Variants in SLFN12L observed in about 807,000 individuals in gnomAD.
SLFN12L encodes schlafen family member 12-like.
In SLFN12L, 34 loss-of-function variants were observed where a neutral mutation model predicts 34.8. The ratio of observed to expected loss-of-function variants is 0.98; its 90% CI spans 0.74 to 1.30. The LOEUF (loss-of-function observed/expected upper bound fraction) is 1.30, where lower values mean the gene tolerates loss of function less well. Among genes scored for constraint, SLFN12L ranks in the 50% most tolerant of loss-of-function variants. The pLI is 0.00. For synonymous variants in SLFN12L, 259 were observed against 247.5 expected, an observed-to-expected ratio of 1.05 and a Z score of -0.44; for missense variants, 703 against 696.2, an observed-to-expected ratio of 1.01 and a Z score of -0.11.
intron 2 of SLFN12L, among the ~76,000 whole-genome samples, chr17:35,481,127 C>T (rs1319516508): frequency 6.6e-6 from 1 of 152,252 alleles, no homozygotes; most frequent in Admixed American, 6.5e-5. Flanking sequence ...TTCTAGAGGG[C>T]TGCCTGGCCT....
chr17:35,504,735 C>A (rs1915412256), intron 2 of SLFN12L, among the ~76,000 whole-genome samples: 1 of 152,220 alleles, frequency 6.6e-6, no homozygotes, highest in African/African-American at 2.4e-5. Context: ...ACACTAAGTT[C>A]ACTTCTTGTC....
rs566397389 is a variant in SLFN12L, at chr17:35,468,068, C to T, written c.*6855G>A. Among the ~76,000 whole-genome samples the T allele has an allele frequency of 2.2e-4, 34 of 152,120 alleles. No homozygotes were observed. The highest frequency in any genetic ancestry group is 3.8e-4 in the Non-Finnish European group (26 of 68,034). On this transcript the variant is annotated 3_prime_UTR_variant, in exon 5 of 5. Transcript: ENST00000628453. ...GCGACCACAGGCACACACTACCACG[C>T]CCAGCTAATTTTTTATGTTTTTTGT...
intron 2 of SLFN12L, chr17:35,487,683 T>C: frequency 1.3e-6 from 2 of 1,527,084 alleles, no homozygotes; most frequent in South Asian, 2.4e-5. Flanking sequence ...ATTTGTATTT[T>C]CTAAGGCGAA....
At chr17:35,520,745 C>CA (rs944409106) in intron 2 of SLFN12L, among the ~76,000 whole-genome samples, 73 of 140,890 alleles carry the variant, frequency 5.2e-4, no homozygotes, top group Non-Finnish European at 6.2e-4. Context: ...AACTCGGTCT[C>CA]AAAAAAAAAA....
At chr17:35,504,527 A>T (rs1240219461) in intron 2 of SLFN12L, among the ~76,000 whole-genome samples, 2 of 152,252 alleles carry the variant, frequency 1.3e-5, no homozygotes, top group Non-Finnish European at 2.9e-5. Flanking sequence ...ATGCTTGTGC[A>T]CATGGCAGTC....
chr17:35,469,327 A>AAT lies in SLFN12L; in HGVS notation c.*5594_*5595dup, dbSNP rs199713584. On this transcript the variant is annotated 3_prime_UTR_variant, in exon 5 of 5. Coordinates refer to ENST00000628453, the MANE Select transcript of SLFN12L (RefSeq NM_001363830.2). ...AAAATATATATATATTATATATATA[A>AAT]ATATATATATAATATATATATATAT... Among the ~76,000 whole-genome samples, 3 of 100,848 alleles carry AAT rather than the reference A, an allele frequency of 3.0e-5. No homozygotes were observed. The highest frequency in any genetic ancestry group is 9.9e-5 in the Admixed American group (1 of 10,068). The allele number at this position is 100,848 out of a possible 152,430, so 66.2% of individuals were successfully genotyped here.
chr17:35,498,147 C>CGGAGGCGGAAGCATCTCGATCCG lies in SLFN12L; in HGVS notation c.87-17975_87-17953dup, dbSNP rs1415224477. 3.5e-4 allele frequency: 213 copies of CGGAGGCGGAAGCATCTCGATCCG among 603,864 alleles called. 1 individual carries two copies. The highest frequency in any genetic ancestry group is 5.2e-4 in the Non-Finnish European group (174 of 335,418). The allele number at this position is 603,864 out of a possible 1,614,324, so 37.4% of individuals were successfully genotyped here. A position where few individuals can be genotyped will look rare whatever the true frequency, so the allele number is the denominator to read the frequency against. On this transcript the variant is annotated intron_variant, in intron 2 of 4. Transcript: ENST00000628453. Reference sequence around the variant, plus strand: ...AGAGCGAGACCTGCAGCAGAGACGACGGAGGCGGAAGCATCTCGATCCGGG... The same window carrying CGGAGGCGGAAGCATCTCGATCCG: ...AGAGCGAGACCTGCAGCAGAGACGACGGAGGCGGAAGCATCTCGATCCGGGAGGCGGAAGCATCTCGATCCGGG...
At chr17:35,521,206 T>C (rs1241508384) in intron 2 of SLFN12L, among the ~76,000 whole-genome samples, 1 of 152,036 alleles carries the variant, frequency 6.6e-6, no homozygotes, top group African/African-American at 2.4e-5. Flanking sequence ...TAAGGAGACA[T>C]AACTACTAAA....
intron 2 of SLFN12L, among the ~76,000 whole-genome samples, chr17:35,522,069 T>C (rs1338807336): frequency 1.3e-5 from 2 of 152,064 alleles, no homozygotes; most frequent in Non-Finnish European, 2.9e-5. Flanking sequence ...TGTATACATA[T>C]GTAACAAACC....
At chr17:35,518,344 G>C (rs1915897737) in intron 2 of SLFN12L, among the ~76,000 whole-genome samples, 1 of 152,144 alleles carries the variant, frequency 6.6e-6, no homozygotes, top group South Asian at 2.1e-4. Context: ...TTGAGGTCAG[G>C]AGTTTGAGAC....
At chr17:35,520,902 C>G (rs1915977672) in intron 2 of SLFN12L, among the ~76,000 whole-genome samples, 1 of 152,162 alleles carries the variant, frequency 6.6e-6, no homozygotes, top group South Asian at 2.1e-4. Flanking sequence ...CCATTCAGCA[C>G]AAATCCCTGT....
At chr17:35,528,491 A>G (rs2072359979) in intron 1 of SLFN12L, among the ~76,000 whole-genome samples, 1 of 152,216 alleles carries the variant, frequency 6.6e-6, no homozygotes, top group Non-Finnish European at 1.5e-5. Flanking sequence ...TGGTACCAAA[A>G]CAGACATATA....
intron 1 of SLFN12L, among the ~76,000 whole-genome samples, chr17:35,534,094 G>A (rs1033998247): frequency 6.7e-6 from 1 of 149,184 alleles, no homozygotes; most frequent in Admixed American, 6.7e-5. Context: ...TGGGCACGGT[G>A]TCTCATGCCT....
intron 2 of SLFN12L, among the ~76,000 whole-genome samples, chr17:35,501,936 G>A (rs1466241267): frequency 6.6e-6 from 1 of 151,624 alleles, no homozygotes; most frequent in Non-Finnish European, 1.5e-5. Flanking sequence ...GCAGAGGCAA[G>A]GAAAGACCAG....
chr17:35,522,753 G>A lies in SLFN12L; in HGVS notation c.-389C>T. On this transcript the variant is annotated 5_prime_UTR_variant, in exon 2 of 5. Transcript: ENST00000628453. ...GGGCAGTGCAAGTGCAGTAGTCCTG[G>A]CCCTGCCAGGGCTGTTCTATGCTAT... The A allele has an allele frequency of 2.5e-6, 4 of 1,610,574 alleles. No individual in the cohort carries two copies. The highest frequency in any genetic ancestry group is 3.4e-6 in the Non-Finnish European group (4 of 1,177,436).
At chr17:35,498,234 G>A (rs1156724171) in intron 2 of SLFN12L, 2 of 701,856 alleles carry the variant, frequency 2.8e-6, no homozygotes, top group Non-Finnish European at 2.6e-6. Flanking sequence ...AGTGCGTACC[G>A]AGGAGATCCA....
In SLFN12L at chr17:35,472,613, C is replaced by T. The variant is rs1487567185; in HGVS notation, c.*2310G>A. ...TTTGTTTAGGATTATCTTAGCTATA[C>T]AAGGTCTTCTTTGATTCCATATGAA... On this transcript the variant is annotated 3_prime_UTR_variant, in exon 5 of 5. Transcript: ENST00000628453. Among the ~76,000 whole-genome samples the T allele has an allele frequency of 2.0e-5, 3 of 152,118 alleles. No individual in the cohort carries two copies. Among genetic ancestry groups the T allele is most frequent in the Non-Finnish European group, 4.4e-5 (3 of 68,008 alleles).
intron 2 of SLFN12L, among the ~76,000 whole-genome samples, chr17:35,485,339 T>C (rs1041269098): frequency 2.6e-5 from 4 of 152,230 alleles, no homozygotes; most frequent in Non-Finnish European, 5.9e-5. Context: ...GAGAAGTTTC[T>C]GTTCATGCCC....
Position 35,469,104 on chromosome 17 carries a change from G to A in SLFN12L, c.*5819C>T, listed in dbSNP as rs1049295904. Among the ~76,000 whole-genome samples the A allele has an allele frequency of 6.6e-6, 1 of 151,130 alleles. No individual in the cohort carries two copies. Among genetic ancestry groups the A allele is most frequent in the Non-Finnish European group, 1.5e-5 (1 of 67,846 alleles). ...TCAATCCCTCAACCCACTGGGAAGA[G>A]GACCACTAACTCCCCAGTGCCTACC... On this transcript the variant is annotated 3_prime_UTR_variant, in exon 5 of 5. Coordinates refer to ENST00000628453, the MANE Select transcript of SLFN12L (RefSeq NM_001363830.2).
Sources: gnomAD v4.1 joint callset for allele counts (sites outside exome capture counted in the v4.1 genomes callset) on GRCh38, gnomAD v4.1.1 for gene constraint, MANE v1.5 for transcripts, NCBI Gene and HGNC (gene_info 2026-07-23, HGNC 2026-07-21) for gene names.